GRK4: variants seen among roughly 807,000 people sequenced by gnomAD.
GRK4 encodes the protein G protein-coupled receptor kinase 2-like.
A neutral mutation model predicts 77.9 loss-of-function variants in GRK4; 73 were observed. The ratio of observed to expected loss-of-function variants is 0.94; its 90% CI spans 0.78 to 1.14. The LOEUF is 1.14. Among genes scored for constraint, GRK4 ranks in the 50% most tolerant of loss-of-function variants. The probability of loss-of-function intolerance (pLI) is 0.00; values close to 1 mark genes in which losing one functional copy is unlikely to be tolerated. For synonymous variants in GRK4, 257 were observed against 254.4 expected, an observed-to-expected ratio of 1.01 and a Z score of -0.10; for missense variants, 729 against 700.2, an observed-to-expected ratio of 1.04 and a Z score of -0.46.
At chr4:2,986,039 C>T (rs1001449682) in intron 2 of GRK4, among the ~76,000 whole-genome samples, 1 of 147,712 alleles carries the variant, frequency 6.8e-6, no homozygotes, top group Non-Finnish European at 1.5e-5. Flanking sequence ...ATAGAGCAAT[C>T]ATAACTGTAT....
intron 15 of GRK4, 105 bp from the exon 16 acceptor site, chr4:3,040,467 A>G: frequency 6.5e-6 from 5 of 769,014 alleles, no homozygotes; most frequent in Non-Finnish European, 1.0e-5. Context: ...AATAAAAAAT[A>G]AAAAAGCACC....
At chr4:2,987,097 G>T (rs748929811) in intron 2 of GRK4, 1 of 516,304 alleles carries the variant, frequency 1.9e-6, no homozygotes. Context: ...CACACCCATT[G>T]ATAGCCACTC....
At chr4:3,013,958 G>A in intron 8 of GRK4, 130 bp downstream of exon 8, 1 of 993,812 alleles carries the variant, frequency 1.0e-6, no homozygotes, top group East Asian at 2.7e-5. Flanking sequence ...TTATGTGGGG[G>A]TTTGCTCTTT....
chr4:2,997,660 A>G (rs1356085027), intron 4 of GRK4, among the ~76,000 whole-genome samples: 1 of 152,210 alleles, frequency 6.6e-6, no homozygotes, highest in East Asian at 1.9e-4. Context: ...CTGTAATTCC[A>G]GCACTTTGGG....
chr4:2,992,177 C>T (rs1461332378), intron 3 of GRK4, 38 bp from the exon 4 acceptor site: 4 of 1,474,746 alleles, frequency 2.7e-6, no homozygotes, highest in South Asian at 1.1e-5. Context: ...CCACACCCAG[C>T]TTAACTGTTC....
At chr4:3,009,822 G>T (rs1732385623) in intron 7 of GRK4, 111 bp downstream of exon 7, 1 of 672,970 alleles carries the variant, frequency 1.5e-6, no homozygotes, top group Non-Finnish European at 2.6e-6. Context: ...TGTTGCCTTA[G>T]TGGGTGTTTT....
chr4:2,972,703 G>T (rs958642229), intron 1 of GRK4, among the ~76,000 whole-genome samples: 1 of 152,106 alleles, frequency 6.6e-6, no homozygotes, highest in African/African-American at 2.4e-5. Context: ...TGCACAGTGT[G>T]TGCGCTGCTG....
chr4:2,968,747 G>C (rs1292593402), intron 1 of GRK4, among the ~76,000 whole-genome samples: 1 of 152,200 alleles, frequency 6.6e-6, no homozygotes, highest in Non-Finnish European at 1.5e-5. Flanking sequence ...GAAGCGCCCA[G>C]GTGGCATTGG....
intron 9 of GRK4, 124 bp from the exon 10 acceptor site, chr4:3,022,290 C>A (rs942503071): frequency 1.3e-6 from 1 of 786,746 alleles, no homozygotes; most frequent in Non-Finnish European, 2.1e-6. Context: ...TGCCGTGGCT[C>A]ATGAAGGGCA....
chr4:2,989,856 T>C (rs568917586), intron 3 of GRK4, among the ~76,000 whole-genome samples: 20 of 152,290 alleles, frequency 1.3e-4, no homozygotes, highest in African/African-American at 3.9e-4. Flanking sequence ...GTGGGTACCA[T>C]TGGGAAGCCT....
chr4:2,990,053 T>C (rs1305509776), intron 3 of GRK4, among the ~76,000 whole-genome samples: 3 of 152,144 alleles, frequency 2.0e-5, no homozygotes, highest in African/African-American at 4.8e-5. Flanking sequence ...TCTTATATCA[T>C]TGAGTTTGGA....
intron 4 of GRK4, among the ~76,000 whole-genome samples, chr4:3,001,632 A>T (rs1426775911): frequency 2.6e-5 from 4 of 152,146 alleles, no homozygotes; most frequent in African/African-American, 9.6e-5. Flanking sequence ...CTCCCAAAGT[A>T]GTGGGATTAC....
intron 4 of GRK4, among the ~76,000 whole-genome samples, chr4:2,998,763 A>T (rs1207651669): frequency 2.6e-5 from 4 of 152,188 alleles, no homozygotes; most frequent in Admixed American, 6.6e-5. Context: ...AAGACTTAAT[A>T]TTGTTAAGAT....
chr4:3,006,561 C>T (rs767349780), intron 5 of GRK4, among the ~76,000 whole-genome samples: 42 of 151,948 alleles, frequency 2.8e-4, no homozygotes, highest in African/African-American at 9.2e-4. Context: ...AGAAGGATTG[C>T]GTGACCTCAG....
chr4:3,022,306 G>A (rs1460817841), intron 9 of GRK4, 108 bp from the exon 10 acceptor site: 7 of 981,292 alleles, frequency 7.1e-6, no homozygotes, highest in South Asian at 1.5e-5. Flanking sequence ...GGGCAGTTTC[G>A]TGTTTTGCCG....
chr4:3,004,463 A>G, intron 5 of GRK4, 129 bp downstream of exon 5: 1 of 568,802 alleles, frequency 1.8e-6, no homozygotes, highest in South Asian at 2.5e-5. Context: ...CATGGGCATT[A>G]GGGACGCTGA....
At chr4:3,004,476 C>A in intron 5 of GRK4, 142 bp downstream of exon 5, 1 of 558,432 alleles carries the variant, frequency 1.8e-6, no homozygotes. Context: ...GACGCTGACA[C>A]CACCCAACCT....
chr4:2,997,077 T>A (rs1474310054), intron 4 of GRK4, among the ~76,000 whole-genome samples: 1 of 152,182 alleles, frequency 6.6e-6, no homozygotes, highest in Non-Finnish European at 1.5e-5. Flanking sequence ...ATATTCAAAG[T>A]ACCTGAAAGT....
intron 2 of GRK4, among the ~76,000 whole-genome samples, chr4:2,985,283 C>T (rs1190194878): frequency 1.3e-5 from 2 of 151,784 alleles, no homozygotes; most frequent in Non-Finnish European, 2.9e-5. Context: ...TGTGTGTAAT[C>T]CCAGCTGCTT....
Sources: allele counts gnomAD v4.1 joint callset (sites outside exome capture counted in the v4.1 genomes callset), GRCh38; gene constraint gnomAD v4.1.1; transcripts MANE v1.5; gene names NCBI Gene and HGNC (gene_info 2026-07-23, HGNC 2026-07-21).